GAB1: variants seen among roughly 807,000 people sequenced by gnomAD.
GAB1 encodes the protein GRB2-associated-binding protein 1.
A neutral mutation model predicts 66.5 loss-of-function variants in GAB1; 19 were observed. The ratio of observed to expected loss-of-function variants is 0.29; its 90% CI spans 0.20 to 0.42. The LOEUF is 0.42. Among genes scored for constraint, GAB1 ranks in the 10% least tolerant of loss-of-function variants. The pLI is 1.00. For synonymous variants in GAB1, 294 were observed against 301.4 expected (o/e 0.98, Z 0.25); for missense variants, 732 against 858.5 (o/e 0.85, Z 1.84).
intron 1 of GAB1, among the ~76,000 whole-genome samples, chr4:143,358,897 A>G (rs1176198445): frequency 6.6e-6 from 1 of 152,208 alleles, no homozygotes; most frequent in African/African-American, 2.4e-5. Flanking sequence ...ATAAAGCACT[A>G]TGAAGAGAAA....
At chr4:143,372,963 G>A (rs997570346) in intron 1 of GAB1, among the ~76,000 whole-genome samples, 1 of 151,892 alleles carries the variant, frequency 6.6e-6, no homozygotes, top group Admixed American at 6.6e-5. Context: ...TTCAACTTAG[G>A]TAATGCTTAT....
chr4:143,392,275 G>A (rs539960702), intron 1 of GAB1, among the ~76,000 whole-genome samples: 3 of 152,308 alleles, frequency 2.0e-5, no homozygotes, highest in Middle Eastern at 3.4e-3. Context: ...ATAATTAACA[G>A]TATATAATTT....
At chr4:143,399,261 A>G (rs1731624056) in intron 1 of GAB1, among the ~76,000 whole-genome samples, 2 of 152,242 alleles carry the variant, frequency 1.3e-5, no homozygotes, top group South Asian at 4.1e-4. Flanking sequence ...TACTACCTAG[A>G]TGCAATCAAA....
chr4:143,398,940 A>G (rs140349953), intron 1 of GAB1, among the ~76,000 whole-genome samples: 110 of 152,296 alleles, frequency 7.2e-4, no homozygotes, highest in African/African-American at 2.3e-3. Flanking sequence ...TTGGTTTAGA[A>G]GAGAGACAGA....
chr4:143,343,733 C>T lies in GAB1; in HGVS notation c.72+6473C>T, dbSNP rs61046784. On this transcript the variant is annotated intron_variant, in intron 1 of 9. Transcript: ENST00000262994. ...CTCCGCAAATGAATTTTACACTTTG[C>T]TTTTAGAAGAGCTGGTGTACTGCTG... 3.2e-3 allele frequency among the ~76,000 whole-genome samples: 492 copies of T among 152,210 alleles called. 2 individuals are homozygous for T. The highest frequency in any genetic ancestry group is 0.011 in the African/African-American group (469 of 41,534).
chr4:143,459,679 A>G (rs1024416615), intron 7 of GAB1, among the ~76,000 whole-genome samples: 2 of 152,184 alleles, frequency 1.3e-5, no homozygotes, highest in Non-Finnish European at 2.9e-5. Context: ...TTCTGAGTGT[A>G]CAGTGGAGTT....
intron 1 of GAB1, among the ~76,000 whole-genome samples, chr4:143,376,086 C>A (rs1320797160): frequency 6.6e-6 from 1 of 151,932 alleles, no homozygotes; most frequent in Admixed American, 6.6e-5. Context: ...AACTCCTCGC[C>A]CCACACCAGC....
chr4:143,398,394 A>C (rs887672624), intron 1 of GAB1, among the ~76,000 whole-genome samples: 2 of 152,058 alleles, frequency 1.3e-5, no homozygotes, highest in African/African-American at 4.8e-5. Flanking sequence ...TGCAGGGGGA[A>C]GTTTTATATG....
chr4:143,370,799 T>C (rs940982944), intron 1 of GAB1, among the ~76,000 whole-genome samples: 2 of 152,188 alleles, frequency 1.3e-5, no homozygotes, highest in African/African-American at 2.4e-5. Context: ...ACATGCAGTG[T>C]TTGGTTTTCT....
chr4:143,377,324 T>C (rs1223545786), intron 1 of GAB1, among the ~76,000 whole-genome samples: 1 of 152,200 alleles, frequency 6.6e-6, no homozygotes, highest in Non-Finnish European at 1.5e-5. Context: ...GATTAGTTCC[T>C]TTTTGGAAGC....
intron 1 of GAB1, among the ~76,000 whole-genome samples, chr4:143,337,751 G>T (rs954774113): frequency 1.3e-5 from 2 of 152,198 alleles, no homozygotes; most frequent in African/African-American, 4.8e-5. Context: ...TGCGGGAAGC[G>T]GGCTGTGGAG....
At chr4:143,432,545 G>C (rs540135223) in intron 2 of GAB1, among the ~76,000 whole-genome samples, 1 of 152,148 alleles carries the variant, frequency 6.6e-6, no homozygotes, top group Non-Finnish European at 1.5e-5. Context: ...AGGCCACCAC[G>C]TGGGAACTGA....
intron 1 of GAB1, among the ~76,000 whole-genome samples, chr4:143,377,832 TAAATG>T (rs1730480963): frequency 6.6e-6 from 1 of 152,228 alleles, no homozygotes; most frequent in Admixed American, 6.5e-5. Context: ...TGTATATGTT[TAAATG>T]AAATGAAAAA....
chr4:143,337,069 C>T lies in GAB1; in HGVS notation c.-120C>T, dbSNP rs554344770. ...GTGGAGTCTGTCCGCCCAGTCCGTCCGGGGTGCGCGACCAGGAGAGCTAGG... is the reference window on the plus strand; with the variant it reads ...GTGGAGTCTGTCCGCCCAGTCCGTCTGGGGTGCGCGACCAGGAGAGCTAGG... On this transcript the variant is annotated 5_prime_UTR_variant, in exon 1 of 10. Transcript: ENST00000262994. 36 of 820,246 alleles carry T rather than the reference C, an allele frequency of 4.4e-5. No homozygotes were observed. In the African/African-American group the frequency reaches 5.7e-4, roughly 13 times the overall value. The allele number at this position is 820,246 out of a possible 1,614,324, so 50.8% of individuals were successfully genotyped here.
chr4:143,414,861 T>C (rs988832278), intron 1 of GAB1, among the ~76,000 whole-genome samples: 8 of 152,160 alleles, frequency 5.3e-5, no homozygotes, highest in Admixed American at 5.2e-4. Flanking sequence ...TCACTAGCAT[T>C]AAGTATTAAT....
intron 1 of GAB1, among the ~76,000 whole-genome samples, chr4:143,409,193 G>A (rs1247435175): frequency 1.3e-5 from 2 of 152,192 alleles, no homozygotes; most frequent in African/African-American, 2.4e-5. Context: ...AGGTCTTGAA[G>A]GATGAGTAGG....
chr4:143,420,934 A>G (rs1197899925), intron 2 of GAB1, among the ~76,000 whole-genome samples: 1 of 152,008 alleles, frequency 6.6e-6, no homozygotes, highest in East Asian at 1.9e-4. Flanking sequence ...ATAACTTACT[A>G]CTGTGAAGGG....
intron 2 of GAB1, among the ~76,000 whole-genome samples, chr4:143,431,072 G>T (rs1733624164): frequency 6.6e-6 from 1 of 151,910 alleles, no homozygotes; most frequent in African/African-American, 2.4e-5. Flanking sequence ...TAATTAATTA[G>T]AGCTCTTTTT....
chr4:143,465,845 C>T (rs1360849682), intron 8 of GAB1, among the ~76,000 whole-genome samples: 1 of 152,172 alleles, frequency 6.6e-6, no homozygotes, highest in Non-Finnish European at 1.5e-5. Context: ...GTTGGGCTAT[C>T]ATAGCTAAGT....
Sources: allele counts gnomAD v4.1 joint callset (sites outside exome capture counted in the v4.1 genomes callset), GRCh38; gene constraint gnomAD v4.1.1; transcripts MANE v1.5; gene names NCBI Gene and HGNC (gene_info 2026-07-23, HGNC 2026-07-21).